ENTPD1: variants seen among roughly 807,000 people sequenced by gnomAD.
The protein encoded by ENTPD1 is ectonucleoside triphosphate diphosphohydrolase 1, also known as ATP diphosphohydrolase.
ENTPD1 carries 33 observed loss-of-function variants against 57.0 expected under a neutral mutation model. The observed-to-expected ratio is 0.58, with a 90% CI of 0.44 to 0.77. The LOEUF (loss-of-function observed/expected upper bound fraction) is 0.77, where lower values mean the gene tolerates loss of function less well. Among genes scored for constraint, ENTPD1 ranks in the 30% least tolerant of loss-of-function variants. ENTPD1 has a pLI of 0.00. For missense variants in ENTPD1, 501 were observed against 603.4 expected (o/e 0.83, Z 1.78); for synonymous variants, 202 against 218.8 (o/e 0.92, Z 0.68).
intron 1 of ENTPD1, among the ~76,000 whole-genome samples, chr10:95,808,727 T>TG (rs2098283200): frequency 6.6e-6 from 1 of 151,818 alleles, no homozygotes; most frequent in Admixed American, 6.6e-5. Context: ...TTGCTTTTTT[T>TG]TTTTTTAATA....
intron 1 of ENTPD1, among the ~76,000 whole-genome samples, chr10:95,818,786 A>G (rs1363390750): frequency 6.6e-6 from 1 of 152,206 alleles, no homozygotes; most frequent in Non-Finnish European, 1.5e-5. Flanking sequence ...AGGAACGACA[A>G]CGCCAGATTA....
At chr10:95,768,526 C>G (rs576418694) in intron 1 of ENTPD1, among the ~76,000 whole-genome samples, 8 of 130,850 alleles carry the variant, frequency 6.1e-5, no homozygotes, top group African/African-American at 2.3e-4. Context: ...CTTTCTTTCT[C>G]CTTCCTTCTT....
intron 2 of ENTPD1, among the ~76,000 whole-genome samples, chr10:95,827,411 C>T (rs1197953405): frequency 2.0e-5 from 3 of 151,760 alleles, no homozygotes; most frequent in Non-Finnish European, 4.4e-5. Flanking sequence ...GCCAAGATCA[C>T]GCCACTACAC....
intron 8 of ENTPD1, among the ~76,000 whole-genome samples, chr10:95,862,264 T>C (rs147443346): frequency 6.6e-5 from 10 of 152,320 alleles, no homozygotes; most frequent in Non-Finnish European, 7.4e-5. Flanking sequence ...GTGGATGTTA[T>C]GACCCAGGGT....
Position 95,867,919 on chromosome 10 carries a change from ATCT to A in ENTPD1, c.*1541_*1543del, listed in dbSNP as rs2098476184. The A allele has an allele frequency of 1.0e-6, 1 of 985,482 alleles. No individual in the cohort carries two copies. The highest frequency in any genetic ancestry group is 1.2e-6 in the Non-Finnish European group (1 of 829,936). 61.0% of individuals were successfully genotyped at this position (985,482 alleles called of 1,614,324 possible). A position where few individuals can be genotyped will look rare whatever the true frequency, so the allele number is the denominator to read the frequency against. On this transcript the variant is annotated 3_prime_UTR_variant, in exon 10 of 10. Coordinates refer to ENST00000371205, the MANE Select transcript of ENTPD1 (RefSeq NM_001776.6). ...ATAAAGCTGTGGAAAGGAACTCTTAATCTTCTTTTCTGCTACTTAGGTTAAATT... is the reference window on the plus strand; with the variant it reads ...ATAAAGCTGTGGAAAGGAACTCTTAATCTTTTCTGCTACTTAGGTTAAATT...
rs1344921809 is a variant in ENTPD1 at position 95,870,923 on chromosome 10, T to G, written c.*4540T>G. 1.0e-6 allele frequency: 1 copy of G among 985,304 alleles called. No homozygotes were observed. Among genetic ancestry groups the G allele is most frequent in the Admixed American group, 6.1e-5 (1 of 16,266 alleles). 61.0% of individuals were successfully genotyped at this position (985,304 alleles called of 1,614,324 possible). On this transcript the variant is annotated 3_prime_UTR_variant, in exon 10 of 10. Coordinates refer to ENST00000371205, the MANE Select transcript of ENTPD1 (RefSeq NM_001776.6). ...GCCAGCTGGGCAGCTCTACTTCAGG[T>G]GGTAAGGGTGGATCAGACCTATTCC...
intron 1 of ENTPD1, among the ~76,000 whole-genome samples, chr10:95,757,080 TG>T (rs1264521861): frequency 1.3e-5 from 2 of 152,178 alleles, no homozygotes; most frequent in Non-Finnish European, 2.9e-5. Flanking sequence ...AGTATAGGGT[TG>T]TAAACCTCCT....
At chr10:95,808,924 T>A (rs2140411891) in intron 1 of ENTPD1, among the ~76,000 whole-genome samples, 1 of 152,224 alleles carries the variant, frequency 6.6e-6, no homozygotes, top group South Asian at 2.1e-4. Flanking sequence ...TGGTGATGAC[T>A]CTTAACTAGC....
At chr10:95,744,178 C>CA (rs1170055388) in intron 1 of ENTPD1, among the ~76,000 whole-genome samples, 2 of 151,914 alleles carry the variant, frequency 1.3e-5, no homozygotes, top group Non-Finnish European at 2.9e-5. Flanking sequence ...ACCTTCCACT[C>CA]TAACAGTGAG....
At chr10:95,809,704 C>G (rs2098293315) in intron 1 of ENTPD1, among the ~76,000 whole-genome samples, 1 of 149,816 alleles carries the variant, frequency 6.7e-6, no homozygotes, top group Admixed American at 6.6e-5. Context: ...GCGCTCCCCA[C>G]CCCCCAGACG....
intron 1 of ENTPD1, among the ~76,000 whole-genome samples, chr10:95,815,996 GCA>G (rs1377874746): frequency 6.6e-6 from 1 of 152,148 alleles, no homozygotes; most frequent in African/African-American, 2.4e-5. Context: ...ACCTCCTTGA[GCA>G]CACAGTGTGT....
Position 95,870,042 on chromosome 10 carries a change from T to C in ENTPD1, c.*3659T>C, listed in dbSNP as rs190742632. On this transcript the variant is annotated 3_prime_UTR_variant, in exon 10 of 10. Coordinates refer to ENST00000371205, the MANE Select transcript of ENTPD1 (RefSeq NM_001776.6). ...TCCCTTGGGAGGTAGTTTAAAGAGC[T>C]ATAGATGCTGTAACATTCTTGCTAT... The C allele has an allele frequency of 1.7e-4, 163 of 985,414 alleles. No individual in the cohort carries two copies. The highest frequency in any genetic ancestry group is 1.9e-4 in the Non-Finnish European group (155 of 829,918). 61.0% of individuals were successfully genotyped at this position (985,414 alleles called of 1,614,324 possible).
At chr10:95,852,392 C>G (rs1418784906) in intron 7 of ENTPD1, among the ~76,000 whole-genome samples, 2 of 152,298 alleles carry the variant, frequency 1.3e-5, no homozygotes, top group Admixed American at 1.3e-4. Context: ...CCTGTTCACT[C>G]TGATGGTAGT....
Position 95,875,460 on chromosome 10 carries a change from A to T in ENTPD1, c.*9077A>T, listed in dbSNP as rs1411258568. On this transcript the variant is annotated 3_prime_UTR_variant, in exon 10 of 10. Coordinates refer to ENST00000371205, the MANE Select transcript of ENTPD1 (RefSeq NM_001776.6). ...CAGCCTGGACCTTATTGTTCATATC[A>T]CTATCAGTATTTTTGTCAATGCCAT... 2 of 152,534 alleles carry T rather than the reference A, an allele frequency of 1.3e-5. No individual in the cohort carries two copies. The highest frequency in any genetic ancestry group is 2.9e-5 in the Non-Finnish European group (2 of 68,338). The allele number at this position is 152,534 out of a possible 1,614,324, so 9.4% of individuals were successfully genotyped here.
upstream of ENTPD1, chr10:95,711,687 A>G (rs1431620516): frequency 2.2e-6 from 1 of 450,818 alleles, no homozygotes; most frequent in African/African-American, 2.0e-5. Context: ...GCCCCAAGGC[A>G]TACTCCCTCC....
At chr10:95,740,415 G>A (rs942043628) in intron 1 of ENTPD1, among the ~76,000 whole-genome samples, 2 of 152,200 alleles carry the variant, frequency 1.3e-5, no homozygotes, top group African/African-American at 4.8e-5. Context: ...GTGAGCCACT[G>A]CACCCGGCCC....
chr10:95,781,197 T>A (rs1485294199), intron 1 of ENTPD1, among the ~76,000 whole-genome samples: 3 of 152,144 alleles, frequency 2.0e-5, no homozygotes, highest in Non-Finnish European at 4.4e-5. Context: ...TTGTGGGAGC[T>A]AAAAATTAAA....
chr10:95,742,557 A>T, intron 1 of ENTPD1, among the ~76,000 whole-genome samples: 1 of 133,426 alleles, frequency 7.5e-6, no homozygotes. Flanking sequence ...TTTTTTTTAG[A>T]CCAATGGGAA....
chr10:95,745,491 T>A (rs1363563801), intron 1 of ENTPD1, among the ~76,000 whole-genome samples: 1 of 152,178 alleles, frequency 6.6e-6, no homozygotes, highest in Non-Finnish European at 1.5e-5. Context: ...ATCTTACCAT[T>A]TTTGATGAAG....
Sources: gnomAD v4.1 joint callset for allele counts (sites outside exome capture counted in the v4.1 genomes callset) on GRCh38, gnomAD v4.1.1 for gene constraint, MANE v1.5 for transcripts, NCBI Gene and HGNC (gene_info 2026-07-23, HGNC 2026-07-21) for gene names.